The following ITSN1 variants were observed in gnomAD, a reference collection of about 807,000 sequenced individuals.
The protein encoded by ITSN1 is intersectin-1.
In ITSN1, 58 loss-of-function variants were observed where a neutral mutation model predicts 239.8. The observed-to-expected ratio is 0.24, with a 90% CI of 0.20 to 0.30. The LOEUF (loss-of-function observed/expected upper bound fraction) is 0.30, where lower values mean the gene tolerates loss of function less well. Among genes scored for constraint, ITSN1 ranks in the 10% least tolerant of loss-of-function variants. The pLI, the probability that ITSN1 is intolerant of heterozygous loss-of-function variation, is 1.00. For synonymous variants in ITSN1, 780 were observed against 770.8 expected, an observed-to-expected ratio of 1.01 and a Z score of -0.20; for missense variants, 1,558 against 2,103.3, an observed-to-expected ratio of 0.74 and a Z score of 5.07.
chr21:33,853,599 C>T (rs1056498566), intron 29 of ITSN1, among the ~76,000 whole-genome samples: 9 of 152,212 alleles, frequency 5.9e-5, no homozygotes, highest in Non-Finnish European at 7.3e-5. Context: ...CATCATTCTA[C>T]GCGTGTCTGC....
At chr21:33,725,366 C>G (rs933321726) in intron 4 of ITSN1, among the ~76,000 whole-genome samples, 2 of 151,578 alleles carry the variant, frequency 1.3e-5, no homozygotes, top group African/African-American at 2.4e-5. Flanking sequence ...AAACTCCTGA[C>G]CTTGTGATCC....
intron 17 of ITSN1, among the ~76,000 whole-genome samples, chr21:33,796,913 T>C (rs1298610138): frequency 6.6e-6 from 1 of 152,230 alleles, no homozygotes; most frequent in Admixed American, 6.5e-5. Flanking sequence ...TGGTAGCTAC[T>C]TTGAAAAACA....
intron 1 of ITSN1, among the ~76,000 whole-genome samples, chr21:33,670,561 T>C (rs1200440050): frequency 6.6e-6 from 1 of 152,152 alleles, no homozygotes; most frequent in Non-Finnish European, 1.5e-5. Context: ...GCAGACCTCC[T>C]TAATGTCTGC....
At chr21:33,857,264 T>C (rs1109847) in intron 30 of ITSN1, among the ~76,000 whole-genome samples, 72,335 of 152,106 alleles carry the variant, frequency 0.48, 20,258 homozygotes, top group East Asian at 0.84. Flanking sequence ...GCCATCTGGC[T>C]GCTGTCTCGA....
At chr21:33,866,220 T>C (rs907759486) in intron 32 of ITSN1, among the ~76,000 whole-genome samples, 4 of 152,170 alleles carry the variant, frequency 2.6e-5, no homozygotes, top group African/African-American at 9.7e-5. Flanking sequence ...TGTTTCTGCC[T>C]CTCATGGTGT....
chr21:33,661,705 T>A (rs1234125472), intron 1 of ITSN1, among the ~76,000 whole-genome samples: 1 of 152,154 alleles, frequency 6.6e-6, no homozygotes, highest in Non-Finnish European at 1.5e-5. Flanking sequence ...AACTGAATCA[T>A]GGGGGCAGTT....
intron 1 of ITSN1, among the ~76,000 whole-genome samples, chr21:33,703,775 G>A (rs770432744): frequency 3.3e-5 from 5 of 152,092 alleles, no homozygotes; most frequent in Non-Finnish European, 5.9e-5. Context: ...AACCTTTAAA[G>A]GGGGAAAGTG....
chr21:33,778,605 G>C (rs1174681004), intron 14 of ITSN1, among the ~76,000 whole-genome samples: 1 of 94,550 alleles, frequency 1.1e-5, no homozygotes, highest in East Asian at 3.6e-4. Context: ...TTGAGACGGA[G>C]TCTCGCTCTG....
intron 38 of ITSN1, among the ~76,000 whole-genome samples, 180 bp from the exon 39 acceptor site, chr21:33,886,107 G>A (rs1192633482): frequency 6.6e-6 from 1 of 151,870 alleles, no homozygotes; most frequent in African/African-American, 2.4e-5. Flanking sequence ...ATTCATTCAG[G>A]AGACTGAGGC....
At chr21:33,750,373 C>A in intron 6 of ITSN1, 51 bp downstream of exon 6, 1 of 1,499,642 alleles carries the variant, frequency 6.7e-7, no homozygotes, top group Non-Finnish European at 9.2e-7. Context: ...TTGTATTTTG[C>A]TGTTCATTAT....
chr21:33,829,124 C>CG (rs549894665), intron 26 of ITSN1: 104 of 407,086 alleles, frequency 2.6e-4, no homozygotes, highest in African/African-American at 2.1e-3. Flanking sequence ...AAGCCCCTGC[C>CG]GGGCTCCCAG....
At chr21:33,756,042 G>A (rs1333621220) in intron 8 of ITSN1, among the ~76,000 whole-genome samples, 1 of 152,062 alleles carries the variant, frequency 6.6e-6, no homozygotes, top group Non-Finnish European at 1.5e-5. Flanking sequence ...AGTGGCTCAC[G>A]CCTGTAATCC....
At chr21:33,824,779 GT>G (rs932336525) in intron 25 of ITSN1, among the ~76,000 whole-genome samples, 12 of 152,164 alleles carry the variant, frequency 7.9e-5, no homozygotes, top group African/African-American at 2.9e-4. Context: ...GGGTGGCATT[GT>G]TTTGCTTTTT....
intron 4 of ITSN1, among the ~76,000 whole-genome samples, chr21:33,734,394 A>G (rs916716314): frequency 6.6e-6 from 1 of 152,210 alleles, no homozygotes; most frequent in East Asian, 1.9e-4. Flanking sequence ...TAGCAGACAC[A>G]TTTTGTAAGC....
At chr21:33,744,845 A>G (rs1360715006) in intron 5 of ITSN1, among the ~76,000 whole-genome samples, 1 of 152,240 alleles carries the variant, frequency 6.6e-6, no homozygotes, top group South Asian at 2.1e-4. Context: ...TTAATAATGT[A>G]TTTAACAAGA....
chr21:33,735,165 A>G lies in ITSN1; in HGVS notation c.307A>G (p.Lys103Glu). The G allele has an allele frequency of 6.2e-7, 1 of 1,613,926 alleles. No individual in the cohort carries two copies. The highest frequency in any genetic ancestry group is 8.5e-7 in the Non-Finnish European group (1 of 1,179,914). The change falls in exon 5 of 40, where the codon AAA (lysine) becomes GAA (glutamate). Residue 103 changes from lysine (K) to glutamate (E), a missense_variant. Around this residue, in one of 2 missense-constraint regions of ITSN1, gnomAD observed 982 missense variants for 1,209.9 expected, o/e 0.81. Coordinates refer to ENST00000381318, the MANE Select transcript of ITSN1 (RefSeq NM_003024.3). ...ACCCTCTGCACTTCCCCCTGTCATGAAACAGCAACCAGTTGCTATTTCTAG... is the reference window on the plus strand; with the variant it reads ...ACCCTCTGCACTTCCCCCTGTCATGGAACAGCAACCAGTTGCTATTTCTAG... ...QLPSALPPVM[K>E]QQPVAISSAP...
chr21:33,773,947 T>C (rs936373985), intron 12 of ITSN1, among the ~76,000 whole-genome samples: 4 of 152,324 alleles, frequency 2.6e-5, no homozygotes, highest in Admixed American at 2.6e-4. Flanking sequence ...ACCAAAGTGC[T>C]AGGATTACAA....
At chr21:33,880,627 G>C (rs7279665) in intron 34 of ITSN1, among the ~76,000 whole-genome samples, 110 of 152,264 alleles carry the variant, frequency 7.2e-4, no homozygotes, top group African/African-American at 2.5e-3. Context: ...TGTTTCTCCT[G>C]TATTGGAGAT....
At chr21:33,850,144 T>C (rs1474969201) in intron 29 of ITSN1, among the ~76,000 whole-genome samples, 1 of 152,174 alleles carries the variant, frequency 6.6e-6, no homozygotes, top group Non-Finnish European at 1.5e-5. Flanking sequence ...AAGAATTTGA[T>C]CTTCACCACT....
Sources: allele counts gnomAD v4.1 joint callset (sites outside exome capture counted in the v4.1 genomes callset), GRCh38; gene constraint gnomAD v4.1.1; regional missense constraint gnomAD v4.1.1; transcripts MANE v1.5; gene names NCBI Gene and HGNC (gene_info 2026-07-23, HGNC 2026-07-21).